Variants in FMN1 observed in about 807,000 individuals in gnomAD.
FMN1 encodes the protein formin-1.
FMN1 carries 110 observed loss-of-function variants against 132.4 expected under a neutral mutation model. That is an observed-to-expected ratio of 0.83 (90% CI 0.71 to 0.97). The LOEUF (loss-of-function observed/expected upper bound fraction) is 0.97. FMN1 is among the 50% of genes least tolerant of loss of function. FMN1 has a pLI of 0.00. For missense variants in FMN1, 1,792 were observed against 1,705.3 expected, an observed-to-expected ratio of 1.05 and a Z score of -0.90; for synonymous variants, 722 against 651.7, an observed-to-expected ratio of 1.11 and a Z score of -1.64.
chr15:32,866,792 G>A (rs1040983414), intron 16 of FMN1, among the ~76,000 whole-genome samples: 1 of 152,138 alleles, frequency 6.6e-6, no homozygotes, highest in African/African-American at 2.4e-5. Flanking sequence ...CTCCTTCGCT[G>A]ACAACCCAGC....
intron 5 of FMN1, among the ~76,000 whole-genome samples, chr15:33,083,985 C>T (rs936079110): frequency 9.2e-5 from 14 of 152,246 alleles, no homozygotes; most frequent in Non-Finnish European, 1.8e-4. Flanking sequence ...ATGCCATGGT[C>T]ATGTTGGGAA....
chr15:33,042,282 T>C (rs2036475890), intron 6 of FMN1, among the ~76,000 whole-genome samples: 1 of 152,200 alleles, frequency 6.6e-6, no homozygotes, highest in Admixed American at 6.5e-5. Context: ...GTTATGCTCC[T>C]GGATGGGAAG....
chr15:32,830,022 A>G (rs976637336), intron 17 of FMN1, among the ~76,000 whole-genome samples: 1 of 152,208 alleles, frequency 6.6e-6, no homozygotes, highest in Non-Finnish European at 1.5e-5. Context: ...TTATATCTGC[A>G]ACTCATTTTA....
intron 19 of FMN1, among the ~76,000 whole-genome samples, chr15:32,785,557 C>T (rs2056849302): frequency 6.6e-6 from 1 of 151,958 alleles, no homozygotes; most frequent in South Asian, 2.1e-4. Context: ...GTTAGAAATT[C>T]TCCTAAATAA....
chr15:32,785,184 G>A lies in FMN1; in HGVS notation c.4131-8265C>T, dbSNP rs867849279. 6.7e-4 allele frequency among the ~76,000 whole-genome samples: 22 copies of A among 33,012 alleles called. 1 individual carries two copies. Among genetic ancestry groups the A allele is most frequent in the African/African-American group, 1.9e-3 (17 of 8,908 alleles). The allele number at this position is 33,012 out of a possible 152,430, so 21.7% of individuals were successfully genotyped here. A position where few individuals can be genotyped will look rare whatever the true frequency, so the allele number is the denominator to read the frequency against. On this transcript the variant is annotated intron_variant, in intron 19 of 20. Coordinates refer to ENST00000616417, the MANE Select transcript of FMN1 (RefSeq NM_001277313.2). ...TACGTGTGTGTGTGTGTGTGTGTGT[G>A]TGTGTGTGTGTGTGTGTATATATAT... is the stretch of plus-strand genomic sequence containing the variant.
intron 6 of FMN1, among the ~76,000 whole-genome samples, chr15:33,057,412 G>C (rs1370934974): frequency 6.6e-6 from 1 of 151,994 alleles, no homozygotes; most frequent in Non-Finnish European, 1.5e-5. Flanking sequence ...ATAAAAACTG[G>C]TTTAAAAAAA....
chr15:32,860,005 G>A (rs755385587), intron 16 of FMN1, among the ~76,000 whole-genome samples: 1 of 151,846 alleles, frequency 6.6e-6, no homozygotes, highest in Non-Finnish European at 1.5e-5. Flanking sequence ...ACTCTGGCCT[G>A]GGTGATAGAG....
intron 19 of FMN1, among the ~76,000 whole-genome samples, chr15:32,793,846 T>A (rs902618570): frequency 3.3e-5 from 5 of 152,190 alleles, no homozygotes; most frequent in African/African-American, 1.2e-4. Flanking sequence ...CATGTATGTA[T>A]GTCAGTAGGA....
chr15:33,151,998 C>T (rs1964457768), intron 4 of FMN1, among the ~76,000 whole-genome samples: 1 of 152,186 alleles, frequency 6.6e-6, no homozygotes, highest in Admixed American at 6.5e-5. Flanking sequence ...CTTTGAAGCT[C>T]CTCTTCCCTA....
intron 5 of FMN1, among the ~76,000 whole-genome samples, chr15:33,077,403 T>G (rs111909964): frequency 5.8e-4 from 88 of 150,536 alleles, no homozygotes; most frequent in Admixed American, 1.7e-3. Context: ...CTAGGGAACA[T>G]GTGCACAACA....
chr15:33,122,552 C>G (rs1595521985), intron 4 of FMN1, among the ~76,000 whole-genome samples: 1 of 152,176 alleles, frequency 6.6e-6, no homozygotes. Context: ...GGATAAACAA[C>G]CAGGCCAATA....
chr15:33,053,715 A>C (rs981344398), intron 6 of FMN1, among the ~76,000 whole-genome samples: 15 of 152,188 alleles, frequency 9.9e-5, no homozygotes, highest in African/African-American at 3.6e-4. Context: ...TGTATTATAA[A>C]GAATACAAAT....
chr15:33,046,564 T>C (rs932691599), intron 6 of FMN1, among the ~76,000 whole-genome samples: 1 of 152,202 alleles, frequency 6.6e-6, no homozygotes, highest in African/African-American at 2.4e-5. Flanking sequence ...AACCCCTTGG[T>C]CAGCAACTTG....
chr15:32,931,398 T>C (rs187134687), intron 9 of FMN1, among the ~76,000 whole-genome samples: 2 of 152,384 alleles, frequency 1.3e-5, no homozygotes, highest in Non-Finnish European at 2.9e-5. Context: ...AAAACTAGTC[T>C]GTACTAGTCT....
intron 6 of FMN1, among the ~76,000 whole-genome samples, chr15:33,009,359 GATC>G (rs1566820158): frequency 6.6e-6 from 1 of 152,118 alleles, no homozygotes; most frequent in East Asian, 1.9e-4. Flanking sequence ...ACATGAACCA[GATC>G]ATCTCATCCT....
At chr15:32,926,900 T>A (rs2060975524) in intron 9 of FMN1, among the ~76,000 whole-genome samples, 1 of 152,174 alleles carries the variant, frequency 6.6e-6, no homozygotes, top group African/African-American at 2.4e-5. Context: ...TTCTCCTGCC[T>A]CAGCCTTCAG....
intron 5 of FMN1, among the ~76,000 whole-genome samples, chr15:33,077,890 CTCA>C (rs2038284934): frequency 6.6e-6 from 1 of 151,466 alleles, no homozygotes; most frequent in South Asian, 2.1e-4. Context: ...TGAAAAAATG[CTCA>C]TCATCACTGG....
chr15:33,006,003 G>C (rs1049457483), intron 7 of FMN1, among the ~76,000 whole-genome samples: 1 of 152,022 alleles, frequency 6.6e-6, no homozygotes, highest in Admixed American at 6.6e-5. Flanking sequence ...CTGCTGGATG[G>C]GTAGGGCTTG....
chr15:32,912,361 A>G (rs1003975267), intron 10 of FMN1, among the ~76,000 whole-genome samples: 2 of 152,196 alleles, frequency 1.3e-5, no homozygotes, highest in African/African-American at 4.8e-5. Flanking sequence ...TGGGCTCTGA[A>G]GACATGGATT....
Sources: allele counts gnomAD v4.1 joint callset (sites outside exome capture counted in the v4.1 genomes callset), GRCh38; gene constraint gnomAD v4.1.1; transcripts MANE v1.5; gene names NCBI Gene and HGNC (gene_info 2026-07-23, HGNC 2026-07-21).